The following GOLGA5 variants were observed in gnomAD, a reference collection of about 807,000 sequenced individuals.
The protein encoded by GOLGA5 is golgin A5.
In GOLGA5, 50 loss-of-function variants were observed where a neutral mutation model predicts 93.5. The ratio of observed to expected loss-of-function variants is 0.53; its 90% CI spans 0.43 to 0.68. The LOEUF is 0.68. Among genes scored for constraint, GOLGA5 ranks in the 30% least tolerant of loss-of-function variants. GOLGA5 has a pLI of 0.00. For missense variants in GOLGA5, 760 were observed against 856.4 expected (o/e 0.89, Z 1.40); for synonymous variants, 312 against 304.5 (o/e 1.02, Z -0.26).
At chr14:92,798,968 G>T (rs1161440139) in intron 2 of GOLGA5, among the ~76,000 whole-genome samples, 2 of 152,084 alleles carry the variant, frequency 1.3e-5, no homozygotes, top group Non-Finnish European at 2.9e-5. Context: ...TTCTTGCAGG[G>T]ATTCTTTTGT....
intron 6 of GOLGA5, among the ~76,000 whole-genome samples, chr14:92,812,968 A>G (rs780434653): frequency 6.6e-6 from 1 of 152,104 alleles, no homozygotes; most frequent in Non-Finnish European, 1.5e-5. Flanking sequence ...CCAGCTGCCT[A>G]CTGTGCAGGC....
At chr14:92,814,210 C>G (rs368943790) in intron 6 of GOLGA5, among the ~76,000 whole-genome samples, 2 of 152,024 alleles carry the variant, frequency 1.3e-5, no homozygotes, top group Non-Finnish European at 2.9e-5. Flanking sequence ...TCTAAAAACA[C>G]AGTCTTAAAC....
chr14:92,805,094 T>C (rs776384722), intron 2 of GOLGA5, among the ~76,000 whole-genome samples: 3 of 152,238 alleles, frequency 2.0e-5, no homozygotes, highest in Non-Finnish European at 4.4e-5. Flanking sequence ...GCAATACCTG[T>C]GTAACCCACA....
chr14:92,811,143 A>T (rs1885094509), intron 5 of GOLGA5, among the ~76,000 whole-genome samples: 1 of 152,258 alleles, frequency 6.6e-6, no homozygotes, highest in African/African-American at 2.4e-5. Context: ...GGTTCTTTAA[A>T]ATATGGTGTA....
chr14:92,839,133 T>C (rs1341087573), intron 12 of GOLGA5, among the ~76,000 whole-genome samples: 1 of 152,254 alleles, frequency 6.6e-6, no homozygotes, highest in Non-Finnish European at 1.5e-5. Flanking sequence ...ACGTGCATAT[T>C]GTGAATGTGT....
intron 12 of GOLGA5, among the ~76,000 whole-genome samples, chr14:92,838,202 G>A (rs929672592): frequency 6.6e-6 from 1 of 152,074 alleles, no homozygotes; most frequent in Non-Finnish European, 1.5e-5. Context: ...ATGCCATTTC[G>A]CATGTACCGT....
rs1388624225 is a variant in GOLGA5 at position 92,837,439 on chromosome 14, TTATA to T, written c.2111_2114del (p.Tyr704TrpfsTer9). 7.1e-7 allele frequency: 1 copy of T among 1,413,006 alleles called. No homozygotes were observed. The highest frequency in any genetic ancestry group is 1.0e-6 in the Non-Finnish European group (1 of 997,842). 87.5% of individuals were successfully genotyped at this position (1,413,006 alleles called of 1,614,324 possible). A position where few individuals can be genotyped will look rare whatever the true frequency, so the allele number is the denominator to read the frequency against. On this transcript the variant is annotated frameshift_variant, in exon 12 of 13. Transcript: ENST00000163416. LOFTEE classifies it high-confidence loss of function. ...TACCCCATAGCGCGAGTTTTTGTAA[TTATA>T]TATATGGTAAGTAAATTTATTTGAA... is the stretch of plus-strand genomic sequence containing the variant.
chr14:92,827,784 C>T (rs1050214829), intron 9 of GOLGA5, among the ~76,000 whole-genome samples: 4 of 152,146 alleles, frequency 2.6e-5, no homozygotes, highest in South Asian at 2.1e-4. Flanking sequence ...AGTGAACATA[C>T]GAATGATAAG....
At chr14:92,814,010 G>A (rs996340842) in intron 6 of GOLGA5, among the ~76,000 whole-genome samples, 4 of 152,040 alleles carry the variant, frequency 2.6e-5, no homozygotes, top group African/African-American at 9.7e-5. Context: ...ATGTTTCCTT[G>A]TGTTAATAAA....
Position 92,839,868 on chromosome 14 carries a change from A to G in GOLGA5, c.*422A>G, listed in dbSNP as rs926622292. On this transcript the variant is annotated 3_prime_UTR_variant, in exon 13 of 13. Coordinates refer to ENST00000163416, the MANE Select transcript of GOLGA5 (RefSeq NM_005113.4). ...GGATTTTCATATATTTAACTTTGCA[A>G]AAAGATTTACTTTGTACATGTTACA... The G allele has an allele frequency of 6.8e-5, 13 of 190,208 alleles. No homozygotes were observed. The highest frequency in any genetic ancestry group is 1.2e-4 in the Admixed American group (2 of 16,252). 11.8% of individuals were successfully genotyped at this position (190,208 alleles called of 1,614,324 possible). A position where few individuals can be genotyped will look rare whatever the true frequency, so the allele number is the denominator to read the frequency against.
intron 12 of GOLGA5, among the ~76,000 whole-genome samples, chr14:92,839,138 A>G (rs1885707837): frequency 6.6e-6 from 1 of 152,196 alleles, no homozygotes; most frequent in Non-Finnish European, 1.5e-5. Context: ...CATATTGTGA[A>G]TGTGTTGAAG....
At position 92,811,624 on chromosome 14, in the gene GOLGA5, A is replaced by T; in HGVS notation, c.1190A>T (p.Glu397Val). Residue 397 changes from glutamate to valine, a missense_variant, in exon 6 of 13, where the codon GAA becomes GTA. Coordinates refer to ENST00000163416, the MANE Select transcript of GOLGA5 (RefSeq NM_005113.4). ...QNLAEAITLA[E>V]RKYSDEKKRV... is the part of the protein sequence containing the mutation. Reference sequence around the variant, plus strand: ...TTAGCAGAAGCAATTACACTGGCCGAAAGAAAATACTCAGATGAGAAGAAG... The same window carrying T: ...TTAGCAGAAGCAATTACACTGGCCGTAAGAAAATACTCAGATGAGAAGAAG... 1 of 1,613,168 alleles carries T rather than the reference A, an allele frequency of 6.2e-7. No homozygotes were observed. Among genetic ancestry groups the T allele is most frequent in the Non-Finnish European group, 8.5e-7 (1 of 1,179,246 alleles).
intron 8 of GOLGA5, among the ~76,000 whole-genome samples, chr14:92,821,267 A>G (rs1360396524): frequency 6.6e-6 from 1 of 152,206 alleles, no homozygotes; most frequent in Non-Finnish European, 1.5e-5. Flanking sequence ...TTAGTGCCAT[A>G]TTAACTGTTC....
rs772158192 is a variant in GOLGA5 at position 92,797,664 on chromosome 14, C to A, written c.227C>A (p.Thr76Asn). 2.5e-6 allele frequency: 4 copies of A among 1,613,668 alleles called. No homozygotes were observed. The African/African-American group carries it at 5.3e-5, about 22-fold the overall frequency. Residue 76 changes from threonine to asparagine, a missense_variant, in exon 2 of 13, where the codon ACC (threonine) becomes AAC (asparagine). Coordinates refer to ENST00000163416, the MANE Select transcript of GOLGA5 (RefSeq NM_005113.4). ...GATAACATTCGAAATCAAAAAGCCACCATCTTAGCTGGCACTGCAAATGTG... is the reference window on the plus strand; with the variant it reads ...GATAACATTCGAAATCAAAAAGCCAACATCTTAGCTGGCACTGCAAATGTG... ...AADNIRNQKA[T>N]ILAGTANVKV...
At chr14:92,815,685 A>G (rs1885187228) in intron 6 of GOLGA5, among the ~76,000 whole-genome samples, 1 of 146,102 alleles carries the variant, frequency 6.8e-6, no homozygotes, top group Admixed American at 7.1e-5. Context: ...AAATAAACAC[A>G]AATTTTTTTT....
At chr14:92,826,155 TAAAAA>T (rs1160431244) in intron 9 of GOLGA5, among the ~76,000 whole-genome samples, 2 of 152,062 alleles carry the variant, frequency 1.3e-5, no homozygotes, top group Non-Finnish European at 2.9e-5. Context: ...CTTTGTTTCT[TAAAAA>T]GAAAGAATTA....
chr14:92,829,939 C>G (rs1167583326), intron 9 of GOLGA5, among the ~76,000 whole-genome samples: 1 of 152,168 alleles, frequency 6.6e-6, no homozygotes, highest in East Asian at 1.9e-4. Flanking sequence ...GATCAGTCAG[C>G]AGCCATCAAC....
rs774449055 is a variant in GOLGA5, at chr14:92,816,268, T to G, written c.1338T>G (p.Ile446Met). ...TATAATAGTCTAAGGAAAAATTGATTAACAGCTTGAAAGAAGGCTCTGGTT... is the reference window on the plus strand; with the variant it reads ...TATAATAGTCTAAGGAAAAATTGATGAACAGCTTGAAAGAAGGCTCTGGTT... The part of the protein sequence containing the change: ...TRILQSKEKL[I>M]NSLKEGSGFE... The change falls in exon 7 of 13, where the codon ATT becomes ATG. Residue 446 changes from isoleucine to methionine, a missense_variant. Transcript: ENST00000163416. 1.9e-6 allele frequency: 3 copies of G among 1,612,214 alleles called. No homozygotes were observed.
At chr14:92,805,679 G>A (rs542045118) in intron 2 of GOLGA5, among the ~76,000 whole-genome samples, 3 of 152,128 alleles carry the variant, frequency 2.0e-5, no homozygotes, top group African/African-American at 7.2e-5. Context: ...ATTCTAGGGG[G>A]TGTCTGTTGG....
Sources: gnomAD v4.1 joint callset for allele counts (sites outside exome capture counted in the v4.1 genomes callset) on GRCh38, gnomAD v4.1.1 for gene constraint, MANE v1.5 for transcripts, NCBI Gene and HGNC (gene_info 2026-07-23, HGNC 2026-07-21) for gene names.